NDUFA5: variants seen among roughly 807,000 people sequenced by gnomAD.
NDUFA5 encodes NADH dehydrogenase [ubiquinone] 1 alpha subcomplex subunit 5.
Under a neutral mutation model 19.8 loss-of-function variants are expected in NDUFA5, and 11 were observed. The observed-to-expected ratio is 0.56, with a 90% confidence interval of 0.35 to 0.92. NDUFA5 has a LOEUF of 0.92. NDUFA5 is among the 40% of genes least tolerant of loss of function. The probability of loss-of-function intolerance (pLI) is 0.01; values close to 1 mark genes in which losing one functional copy is unlikely to be tolerated. For synonymous variants in NDUFA5, 47 were observed against 46.8 expected (o/e 1.00, Z -0.01); for missense variants, 109 against 134.2 (o/e 0.81, Z 0.93).
rs1191687384 is a variant in NDUFA5 at position 123,541,021 on chromosome 7, C to T, written c.*1098G>A. On this transcript the variant is annotated 3_prime_UTR_variant, in exon 5 of 5. Coordinates refer to ENST00000355749, the MANE Select transcript of NDUFA5 (RefSeq NM_005000.5). ...AATTTAACCAAGTATTTAGGAATGACAGGGAGCTAGGAAGGCGAAAACACA... is the reference window on the plus strand; with the variant it reads ...AATTTAACCAAGTATTTAGGAATGATAGGGAGCTAGGAAGGCGAAAACACA... The T allele has an allele frequency of 6.6e-6, 1 of 151,916 alleles. No homozygotes were observed. Among genetic ancestry groups the T allele is most frequent in the East Asian group, 1.9e-4 (1 of 5,186 alleles). The allele number at this position is 151,916 out of a possible 1,614,324, so 9.4% of individuals were successfully genotyped here.
upstream of NDUFA5, chr7:123,557,914 G>A: frequency 6.4e-7 from 1 of 1,564,726 alleles, no homozygotes; most frequent in Admixed American, 1.8e-5. Context: ...ACCCCTTCAG[G>A]ATCGCCAAAG....
chr7:123,567,331 G>A, the NDUFA5 span, among the ~76,000 whole-genome samples: 3 of 152,206 alleles, frequency 2.0e-5, no homozygotes, highest in Non-Finnish European at 4.4e-5. Flanking sequence ...TCCTCTTCAG[G>A]AAGGAGATGA....
intron 3 of NDUFA5, among the ~76,000 whole-genome samples, chr7:123,548,925 T>C (rs372453402): frequency 2.0e-4 from 30 of 152,252 alleles, no homozygotes; most frequent in Non-Finnish European, 3.5e-4. Context: ...CAACCACAGA[T>C]GGAAAATATT....
chr7:123,552,133 A>T (rs1798364608), intron 2 of NDUFA5, among the ~76,000 whole-genome samples: 2 of 152,162 alleles, frequency 1.3e-5, no homozygotes, highest in Admixed American at 1.3e-4. Context: ...CTCAATAATT[A>T]CAAGTATACA....
chr7:123,563,685 C>T, the NDUFA5 span, among the ~76,000 whole-genome samples: 6 of 152,090 alleles, frequency 3.9e-5, no homozygotes, highest in East Asian at 5.8e-4. Flanking sequence ...AAAATATCTG[C>T]GAAGTAAAAC....
the NDUFA5 span, chr7:123,598,757 C>T: frequency 1.3e-5 from 2 of 152,206 alleles, no homozygotes; most frequent in Admixed American, 6.5e-5. Context: ...AGTATAACTA[C>T]CTATAGTGCT....
the NDUFA5 span, among the ~76,000 whole-genome samples, chr7:123,583,360 C>T: frequency 1.1e-4 from 16 of 151,974 alleles, no homozygotes; most frequent in South Asian, 2.1e-4. Context: ...TGGGAACTAA[C>T]GGGAAACTGG....
the NDUFA5 span, among the ~76,000 whole-genome samples, chr7:123,581,182 A>G: frequency 6.6e-6 from 1 of 151,936 alleles, no homozygotes; most frequent in East Asian, 1.9e-4. Context: ...AATGTTGCTC[A>G]GGGCATGAAC....
At chr7:123,557,954 A>C, upstream of NDUFA5, 10 of 1,303,724 alleles carry the variant, frequency 7.7e-6, no homozygotes, top group Non-Finnish European at 1.1e-5. Flanking sequence ...CCCATCTTAA[A>C]AGAGAAAAAT....
the NDUFA5 span, among the ~76,000 whole-genome samples, chr7:123,585,985 A>G: frequency 6.6e-6 from 1 of 151,774 alleles, no homozygotes; most frequent in Non-Finnish European, 1.5e-5. Flanking sequence ...CCACTTATGG[A>G]CACTTAGGTT....
the NDUFA5 span, among the ~76,000 whole-genome samples, chr7:123,576,590 C>T: frequency 6.6e-6 from 1 of 152,142 alleles, no homozygotes; most frequent in African/African-American, 2.4e-5. Context: ...TGTCACTCAT[C>T]TATGGGATTC....
At chr7:123,551,127 A>T (rs1460482804) in intron 2 of NDUFA5, among the ~76,000 whole-genome samples, 2 of 151,970 alleles carry the variant, frequency 1.3e-5, no homozygotes, top group African/African-American at 4.8e-5. Context: ...CATGTTGGCC[A>T]GACTGGTCAG....
Position 123,550,302 on chromosome 7 carries a change from A to C in NDUFA5, c.183+168T>G, listed in dbSNP as rs1399421129. On this transcript the variant is annotated intron_variant, in intron 3 of 4. Coordinates refer to ENST00000355749, the MANE Select transcript of NDUFA5 (RefSeq NM_005000.5). ...GTATGTAACAGAGGCCTGCATATAG[A>C]AAACACTCAATAAACAAGAGTTTGC... 3 of 563,282 alleles carry C rather than the reference A, an allele frequency of 5.3e-6. No individual in the cohort carries two copies. The African/African-American group carries it at 5.7e-5, about 11-fold the overall frequency. 34.9% of individuals were successfully genotyped at this position (563,282 alleles called of 1,614,324 possible). A position where few individuals can be genotyped will look rare whatever the true frequency, so the allele number is the denominator to read the frequency against.
intron 2 of NDUFA5, chr7:123,551,614 G>C (rs1798343758): frequency 1.8e-6 from 1 of 561,772 alleles, no homozygotes; most frequent in South Asian, 7.9e-5. Context: ...ACATCTGTAT[G>C]ATCAAATTTA....
intron 3 of NDUFA5, among the ~76,000 whole-genome samples, chr7:123,546,981 A>C (rs377381095): frequency 6.6e-6 from 1 of 152,196 alleles, no homozygotes; most frequent in Non-Finnish European, 1.5e-5. Context: ...AAGTGTCCTT[A>C]TAAGAGAGAG....
chr7:123,569,779 T>G, the NDUFA5 span, among the ~76,000 whole-genome samples: 1 of 151,818 alleles, frequency 6.6e-6, no homozygotes, highest in Non-Finnish European at 1.5e-5. Context: ...AGGGGACATG[T>G]AGGAAACACT....
At position 123,550,457 on chromosome 7, in the gene NDUFA5, C is replaced by T. The variant is rs190228609; in HGVS notation, c.183+13G>A. On this transcript the variant is annotated intron_variant, in intron 3 of 4. Transcript: ENST00000355749. ...ATGTTACACAAGACAACAAAACTGA[C>T]TTAGCTACTTACCGCTTTAACCATA... The T allele has an allele frequency of 4.5e-4, 444 of 978,032 alleles. 2 individuals carry two copies. The African/African-American group carries it at 8.3e-3, about 18-fold the overall frequency. 60.6% of individuals were successfully genotyped at this position (978,032 alleles called of 1,614,324 possible).
chr7:123,592,651 C>T, the NDUFA5 span, among the ~76,000 whole-genome samples: 2 of 151,976 alleles, frequency 1.3e-5, no homozygotes, highest in African/African-American at 4.8e-5. Flanking sequence ...TCTGAGAGAC[C>T]GTTTGTTGCG....
chr7:123,562,122 T>C (rs1448737530), upstream of NDUFA5, among the ~76,000 whole-genome samples: 1 of 152,172 alleles, frequency 6.6e-6, no homozygotes, highest in Non-Finnish European at 1.5e-5. Flanking sequence ...TTAATCTCTT[T>C]GTACATCTTC....
Sources: gnomAD v4.1 joint callset for allele counts (sites outside exome capture counted in the v4.1 genomes callset) on GRCh38, gnomAD v4.1.1 for gene constraint, MANE v1.5 for transcripts, NCBI Gene and HGNC (gene_info 2026-07-23, HGNC 2026-07-21) for gene names.